B3GNT8: variants seen among roughly 807,000 people sequenced by gnomAD.
B3GNT8 encodes the protein N-acetyllactosaminide beta-1,3-N-acetylglucosaminyltransferase 8.
For missense variants in B3GNT8, 502 were observed against 530.5 expected (o/e 0.95, Z 0.53); for synonymous variants, 258 against 238.3 (o/e 1.08, Z -0.76).
chr19:41,426,040 C>A lies in B3GNT8; in HGVS notation c.739G>T (p.Asp247Tyr). 1 of 1,613,588 alleles carries A rather than the reference C, an allele frequency of 6.2e-7. No homozygotes were observed. Among genetic ancestry groups the A allele is most frequent in the Non-Finnish European group, 8.5e-7 (1 of 1,179,870 alleles). The change falls in exon 2 of 2, where the codon GAC (aspartate) becomes TAC (tyrosine). Residue 247 changes from aspartate to tyrosine, a missense_variant. Coordinates refer to ENST00000691102, the MANE Select transcript of B3GNT8 (RefSeq NM_001385648.2). The surrounding 1 kb of genome is among the most constrained non-coding windows in gnomAD (Gnocchi z 4.9). ...PTVSFVLRAQ[D>Y]DAFVHTPALL... ...GCAGGGGTGTGTACAAAGGCATCGT[C>A]CTGAGCTCGCAAGACAAAACTCACG... is the stretch of plus-strand genomic sequence containing the variant.
chr19:41,425,730 GC>G lies in B3GNT8; in HGVS notation c.1048del (p.Ala350ProfsTer58). 6.3e-7 allele frequency: 1 copy of G among 1,585,856 alleles called. No individual in the cohort carries two copies. Among genetic ancestry groups the G allele is most frequent in the Non-Finnish European group, 8.6e-7 (1 of 1,164,958 alleles). ...CIRALGLVPQ[A>X]HPGFLTAWPA... is the part of the protein sequence containing the mutation. The stretch of plus-strand genomic sequence containing the variant: ...CCAGGCTGTGAGGAAGCCTGGGTGG[GC>G]CTGGGGCACCAGGCCCAGGGCTCGG... On this transcript the variant is annotated frameshift_variant, in exon 2 of 2. Transcript: ENST00000691102. LOFTEE classifies it high-confidence loss of function.
At position 41,425,948 on chromosome 19, in the gene B3GNT8, A is replaced by G. The variant is rs1385421685; in HGVS notation, c.831T>C (p.Phe277=). The G allele has an allele frequency of 6.2e-7, 1 of 1,613,168 alleles. No homozygotes were observed. The highest frequency in any genetic ancestry group is 1.3e-5 in the African/African-American group (1 of 74,940). ...GCTTCCGGAGAGGCATGGCCTGGGTAAAGACCTCACCCAGGTAGAGGCTTC... is the reference window on the plus strand; with the variant it reads ...GCTTCCGGAGAGGCATGGCCTGGGTGAAGACCTCACCCAGGTAGAGGCTTC... The part of the protein sequence containing the change: ...SARSLYLGEV[F]TQAMPLRKPG... Residue 277 remains phenylalanine (F), a synonymous_variant, in exon 2 of 2, where the codon TTT becomes TTC. Coordinates refer to ENST00000691102, the MANE Select transcript of B3GNT8 (RefSeq NM_001385648.2).
upstream of B3GNT8, among the ~76,000 whole-genome samples, chr19:41,428,365 C>A (rs1211557685): frequency 2.0e-5 from 3 of 151,552 alleles, no homozygotes; most frequent in Non-Finnish European, 4.4e-5. This position sits in a 1 kb window ranked among gnomAD's most constrained non-coding sequence, Gnocchi z 6.1. Flanking sequence ...CCCCAACCTC[C>A]GGCCTGGAGC....
In B3GNT8 at chr19:41,426,021, G is replaced by T. The variant is rs751592526; in HGVS notation, c.758C>A (p.Thr253Asn). 6.2e-7 allele frequency: 1 copy of T among 1,612,960 alleles called. No homozygotes were observed. Among genetic ancestry groups the T allele is most frequent in the East Asian group, 2.2e-5 (1 of 44,836 alleles). ...CCGCAGGTGAGCCAGCAGGGCAGGGGTGTGTACAAAGGCATCGTCCTGAGC... is the reference window on the plus strand; with the variant it reads ...CCGCAGGTGAGCCAGCAGGGCAGGGTTGTGTACAAAGGCATCGTCCTGAGC... ...LRAQDDAFVH[T>N]PALLAHLRAL... Residue 253 changes from threonine (T) to asparagine (N), a missense_variant, in exon 2 of 2, where the codon ACC becomes AAC. Coordinates refer to ENST00000691102, the MANE Select transcript of B3GNT8 (RefSeq NM_001385648.2). The surrounding 1 kb of genome is among the most constrained non-coding windows in gnomAD (Gnocchi z 4.9).
At chr19:41,428,166 G>T (rs541699604), upstream of B3GNT8, among the ~76,000 whole-genome samples, 38 of 152,144 alleles carry the variant, frequency 2.5e-4, no homozygotes, top group African/African-American at 9.2e-4. This position sits in a 1 kb window ranked among gnomAD's most constrained non-coding sequence, Gnocchi z 6.1. Flanking sequence ...GCCAGACCCA[G>T]GCAGAGGCGG....
chr19:41,426,821 G>T lies in B3GNT8; in HGVS notation c.-32-11C>A, dbSNP rs934979221. On this transcript the variant is annotated splice_polypyrimidine_tract_variant and intron_variant, in intron 1 of 1. Coordinates refer to ENST00000691102, the MANE Select transcript of B3GNT8 (RefSeq NM_001385648.2). The surrounding 1 kb of genome is among the most constrained non-coding windows in gnomAD (Gnocchi z 4.9). ...GGGCGGCCGCGGGAGCTACAAGGGA[G>T]CCACAGGGGAGCCACGGAGGCCATT... 47 of 1,592,386 alleles carry T rather than the reference G, an allele frequency of 3.0e-5. No individual in the cohort carries two copies. In the Middle Eastern group the frequency reaches 6.9e-4, roughly 23 times the overall value.
Position 41,426,359 on chromosome 19 carries a change from G to A in B3GNT8, c.420C>T (p.Ser140=), listed in dbSNP as rs368727659. 3.1e-6 allele frequency: 5 copies of A among 1,613,154 alleles called. No individual in the cohort carries two copies. The highest frequency in any genetic ancestry group is 2.7e-5 in the African/African-American group (2 of 75,044). Residue 140 remains serine (S), a synonymous_variant, in exon 2 of 2, where the codon TCC becomes TCT. Coordinates refer to ENST00000691102, the MANE Select transcript of B3GNT8 (RefSeq NM_001385648.2). This position sits in a 1 kb window ranked among gnomAD's most constrained non-coding sequence, Gnocchi z 4.9. Reference sequence around the variant, plus strand: ...AGGGGACATCAGTATCTGAGCAGCTGGAGACTTGGCTGCCACCACCTCCAG... The same window carrying A: ...AGGGGACATCAGTATCTGAGCAGCTAGAGACTTGGCTGCCACCACCTCCAG... ...WLPGGGGSQV[S]SCSDTDVPYL...
In B3GNT8 at chr19:41,426,465, A is replaced by C; in HGVS notation, c.314T>G (p.Ile105Ser). The C allele has an allele frequency of 6.2e-7, 1 of 1,605,798 alleles. No homozygotes were observed. The highest frequency in any genetic ancestry group is 1.1e-5 in the South Asian group (1 of 90,838). ...CTTGGGGTAGGAGGCGAAGTCAGGG[A>C]TCTCGGTGGCGGCGGCGGCCCCCCA... ...QAWGAAAATE[I>S]PDFASYPKDL... The change falls in exon 2 of 2, where the codon ATC becomes AGC. Residue 105 changes from isoleucine (I) to serine (S), a missense_variant. By Grantham distance (142) the Ile-to-Ser change is moderately radical. Coordinates refer to ENST00000691102, the MANE Select transcript of B3GNT8 (RefSeq NM_001385648.2). This position sits in a 1 kb window ranked among gnomAD's most constrained non-coding sequence, Gnocchi z 4.9.
rs768276049 is a variant in B3GNT8, at chr19:41,426,075, T to G, written c.704A>C (p.His235Pro). 1.9e-6 allele frequency: 3 copies of G among 1,613,418 alleles called. No individual in the cohort carries two copies. Among genetic ancestry groups the G allele is most frequent in the Middle Eastern group, 1.6e-4 (1 of 6,062 alleles). The change falls in exon 2 of 2, where the codon CAC becomes CCC. Residue 235 changes from histidine to proline, a missense_variant. His to Pro is a moderately conservative substitution (Grantham distance 77, BLOSUM62 -2). Transcript: ENST00000691102. The surrounding 1 kb of genome is among the most constrained non-coding windows in gnomAD (Gnocchi z 4.9). ...DLLLLAWLGRHCPTVSFVLRA... is the reference protein window; with the variant it reads ...DLLLLAWLGRPCPTVSFVLRA... The stretch of plus-strand genomic sequence containing the variant: ...CAAGACAAAACTCACGGTGGGGCAG[T>G]GGCGGCCCAGCCAGGCCAGCAGCAG...
In B3GNT8 at chr19:41,426,304, C is replaced by T. The variant is rs1011596330; in HGVS notation, c.475G>A (p.Gly159Arg). 2.5e-6 allele frequency: 4 copies of T among 1,613,450 alleles called. No homozygotes were observed. The highest frequency in any genetic ancestry group is 2.5e-6 in the Non-Finnish European group (3 of 1,180,032). The change falls in exon 2 of 2, where the codon GGG becomes AGG. Residue 159 changes from glycine to arginine, a missense_variant. Gly to Arg is a moderately radical substitution (Grantham distance 125). Transcript: ENST00000691102. This position sits in a 1 kb window ranked among gnomAD's most constrained non-coding sequence, Gnocchi z 4.9. ...ACGGCCTGTCGTTCTGCAAAGCGCCCTGGTTCTGACTTGACGGCCAACAGC... is the reference window on the plus strand; with the variant it reads ...ACGGCCTGTCGTTCTGCAAAGCGCCTTGGTTCTGACTTGACGGCCAACAGC... The part of the protein sequence containing the change: ...YLLLAVKSEP[G>R]RFAERQAVRE...
In B3GNT8 at chr19:41,426,428, G is replaced by A; in HGVS notation, c.351C>T (p.Arg117=). 1.9e-6 allele frequency: 3 copies of A among 1,611,010 alleles called. No individual in the cohort carries two copies. The highest frequency in any genetic ancestry group is 2.5e-6 in the Non-Finnish European group (3 of 1,179,720). The change falls in exon 2 of 2, where the codon CGC becomes CGT. Residue 117 remains arginine, a synonymous_variant. Transcript: ENST00000691102. This position sits in a 1 kb window ranked among gnomAD's most constrained non-coding sequence, Gnocchi z 4.9. ...TCCGGCAGGCTGCTGACAGCAAGAA[G>A]CGGCGGAGGTCCTTGGGGTAGGAGG... ...DFASYPKDLR[R]FLLSAACRSF...
rs1244444950 is a variant in B3GNT8, at chr19:41,425,574, C to T, written c.*11G>A. 1 of 1,367,024 alleles carries T rather than the reference C, an allele frequency of 7.3e-7. No homozygotes were observed. The highest frequency in any genetic ancestry group is 9.7e-7 in the Non-Finnish European group (1 of 1,030,008). The allele number at this position is 1,367,024 out of a possible 1,614,324, so 84.7% of individuals were successfully genotyped here. On this transcript the variant is annotated 3_prime_UTR_variant, in exon 2 of 2. Transcript: ENST00000691102. ...AGGCCAGGTCAGCACCTCCGCCCTC[C>T]CCAATGAGAGTCAGCACTGGAGCCT...
Position 41,426,256 on chromosome 19 carries a change from C to T in B3GNT8, c.523G>A (p.Ala175Thr). 6.2e-7 allele frequency: 1 copy of T among 1,613,456 alleles called. No individual in the cohort carries two copies. The highest frequency in any genetic ancestry group is 1.3e-5 in the African/African-American group (1 of 75,036). ...AGGAAGAGCAGCCGGATCCCTGGAG[C>T]TGGACTGCCCCACGTCTCTCTCACG... ...QAVRETWGSP[A>T]PGIRLLFLLG... The change falls in exon 2 of 2, where the codon GCT (alanine) becomes ACT (threonine). Residue 175 changes from alanine to threonine, a missense_variant. Physicochemically the swap from Ala to Thr is moderately conservative, Grantham distance 58. Coordinates refer to ENST00000691102, the MANE Select transcript of B3GNT8 (RefSeq NM_001385648.2). This position sits in a 1 kb window ranked among gnomAD's most constrained non-coding sequence, Gnocchi z 4.9.
Position 41,425,650 on chromosome 19 carries a change from G to A in B3GNT8, c.1129C>T (p.Pro377Ser), listed in dbSNP as rs778331907. 4 of 1,520,502 alleles carry A rather than the reference G, an allele frequency of 2.6e-6. No homozygotes were observed. The highest frequency in any genetic ancestry group is 3.5e-6 in the Non-Finnish European group (4 of 1,135,274). 94.2% of individuals were successfully genotyped at this position (1,520,502 alleles called of 1,614,324 possible). A position where few individuals can be genotyped will look rare whatever the true frequency, so the allele number is the denominator to read the frequency against. ...CAFRNLLLVRPLGPQASIRLW... is the reference protein window; with the variant it reads ...CAFRNLLLVRSLGPQASIRLW... ...CGAATGCTGGCCTGGGGGCCCAGGG[G>A]CCGTACCAGCAGCAGGTTGCGGAAA... The change falls in exon 2 of 2, where the codon CCC (proline) becomes TCC (serine). Residue 377 changes from proline to serine, a missense_variant. Transcript: ENST00000691102.
chr19:41,426,889 C>A lies in B3GNT8; in HGVS notation c.-32-79G>T. ...CTCCAGAGAGGGCCCAGCCAGGCCCCAGGCAGACAGCTTCACAATCTCCCA... is the reference window on the plus strand; with the variant it reads ...CTCCAGAGAGGGCCCAGCCAGGCCCAAGGCAGACAGCTTCACAATCTCCCA... On this transcript the variant is annotated intron_variant, in intron 1 of 1. Transcript: ENST00000691102. This position sits in a 1 kb window ranked among gnomAD's most constrained non-coding sequence, Gnocchi z 4.9. 1 of 1,076,078 alleles carries A rather than the reference C, an allele frequency of 9.3e-7. No homozygotes were observed. Among genetic ancestry groups the A allele is most frequent in the South Asian group, 1.3e-5 (1 of 74,234 alleles). The allele number at this position is 1,076,078 out of a possible 1,614,324, so 66.7% of individuals were successfully genotyped here.
rs2039423555 is a variant in B3GNT8 at position 41,425,711 on chromosome 19, T to C, written c.1068A>G (p.Thr356=). ...LVPQAHPGFL[T]AWPADRTADH... is the part of the protein sequence containing the mutation. ...CCGCAGTGCGGTCTGCTGGCCAGGC[T>C]GTGAGGAAGCCTGGGTGGGCCTGGG... is the stretch of plus-strand genomic sequence containing the variant. Residue 356 remains threonine, a synonymous_variant, in exon 2 of 2, where the codon ACA becomes ACG. Transcript: ENST00000691102. 3 of 1,572,908 alleles carry C rather than the reference T, an allele frequency of 1.9e-6. No individual in the cohort carries two copies. The highest frequency in any genetic ancestry group is 1.7e-6 in the Non-Finnish European group (2 of 1,159,530).
chr19:41,426,590 G>C lies in B3GNT8; in HGVS notation c.189C>G (p.Gly63=). 6.2e-7 allele frequency: 1 copy of C among 1,609,052 alleles called. No individual in the cohort carries two copies. The change falls in exon 2 of 2, where the codon GGC becomes GGG. Residue 63 remains glycine, a synonymous_variant. Transcript: ENST00000691102. This position sits in a 1 kb window ranked among gnomAD's most constrained non-coding sequence, Gnocchi z 4.9. ...AAGCAAAGGGCAGCGGGATAGTCTGGCCCAGGCGGGTGGAGAGGTTGGCAG... is the reference window on the plus strand; with the variant it reads ...AAGCAAAGGGCAGCGGGATAGTCTGCCCCAGGCGGGTGGAGAGGTTGGCAG... ...TLPANLSTRL[G]QTIPLPFAYW...
chr19:41,426,763 A>G lies in B3GNT8; in HGVS notation c.16T>C (p.Cys6Arg). The G allele has an allele frequency of 6.2e-7, 1 of 1,612,304 alleles. No individual in the cohort carries two copies. Residue 6 changes from cysteine to arginine, a missense_variant, in exon 2 of 2, where the codon TGC (cysteine) becomes CGC (arginine). By Grantham distance (180) the Cys-to-Arg change is radical (BLOSUM62 -3). Transcript: ENST00000691102. The surrounding 1 kb of genome is among the most constrained non-coding windows in gnomAD (Gnocchi z 4.9). MRCPK[C>R]LLCLSALLTL... ...AGCAGTGCTGACAGGCAGAGAAGGCACTTGGGGCAGCGCATGACCCGGCCC... is the reference window on the plus strand; with the variant it reads ...AGCAGTGCTGACAGGCAGAGAAGGCGCTTGGGGCAGCGCATGACCCGGCCC...
chr19:41,425,876 G>T lies in B3GNT8; in HGVS notation c.903C>A (p.Tyr301Ter), dbSNP rs772157532. The change falls in exon 2 of 2, where the codon TAC becomes TAA. Residue 301 changes from tyrosine (Y) to a stop codon, truncating the protein, a stop_gained. Coordinates refer to ENST00000691102, the MANE Select transcript of B3GNT8 (RefSeq NM_001385648.2). LOFTEE classifies it low-confidence loss of function (END_TRUNC). ...AGCCACCCCCGCTTGCATAGGCTGG[G>T]TAGCCACCTTCGAAGAAGGACTCGG... Reference protein sequence around the residue: ...YVPESFFEGGYPAYASGGGYV... With the variant: ...YVPESFFEGG 1 of 1,613,178 alleles carries T rather than the reference G, an allele frequency of 6.2e-7. No individual in the cohort carries two copies. The highest frequency in any genetic ancestry group is 8.5e-7 in the Non-Finnish European group (1 of 1,179,982).
Sources: allele counts gnomAD v4.1 joint callset (sites outside exome capture counted in the v4.1 genomes callset), GRCh38; gene constraint gnomAD v4.1.1; non-coding constraint Gnocchi (gnomAD v3.1); transcripts MANE v1.5; gene names NCBI Gene and HGNC (gene_info 2026-07-23, HGNC 2026-07-21).